EXOC6B: variants seen among roughly 807,000 people sequenced by gnomAD.
EXOC6B encodes SEC15 homolog B.
In EXOC6B, 54 loss-of-function variants were observed where a neutral mutation model predicts 113.5. The observed-to-expected ratio is 0.48, with a 90% CI of 0.38 to 0.60. The LOEUF (loss-of-function observed/expected upper bound fraction) is 0.60. EXOC6B is among the 20% of genes least tolerant of loss of function. The pLI is 0.00. For missense variants in EXOC6B, 797 were observed against 977.5 expected, an observed-to-expected ratio of 0.82 and a Z score of 2.46; for synonymous variants, 357 against 339.0, an observed-to-expected ratio of 1.05 and a Z score of -0.58.
intron 1 of EXOC6B, among the ~76,000 whole-genome samples, chr2:72,755,209 A>G (rs1682336141): frequency 6.6e-6 from 1 of 152,218 alleles, no homozygotes; most frequent in Non-Finnish European, 1.5e-5. Context: ...GCCTAGTATT[A>G]TCCAGAAGTT....
chr2:72,736,397 C>A (rs1680967417), intron 2 of EXOC6B, among the ~76,000 whole-genome samples: 1 of 152,028 alleles, frequency 6.6e-6, no homozygotes, highest in African/African-American at 2.4e-5. Context: ...TAAACTATTT[C>A]TAGAGTTCAG....
intron 8 of EXOC6B, among the ~76,000 whole-genome samples, chr2:72,519,285 T>A (rs991551310): frequency 1.3e-5 from 2 of 152,124 alleles, no homozygotes; most frequent in Non-Finnish European, 2.9e-5. Flanking sequence ...GTGCCACATT[T>A]TTTACATTTT....
chr2:72,450,512 G>C (rs1696849358), intron 18 of EXOC6B, among the ~76,000 whole-genome samples: 1 of 152,096 alleles, frequency 6.6e-6, no homozygotes, highest in Non-Finnish European at 1.5e-5. Flanking sequence ...AATATCAAAA[G>C]AGAGTCAATA....
chr2:72,594,875 GA>G (rs1558827557), intron 6 of EXOC6B, among the ~76,000 whole-genome samples: 1 of 151,930 alleles, frequency 6.6e-6, no homozygotes, highest in African/African-American at 2.4e-5. Flanking sequence ...TATAATTAAA[GA>G]AAAAAAGATA....
chr2:72,417,205 C>G (rs2105245922), intron 18 of EXOC6B, among the ~76,000 whole-genome samples: 1 of 152,258 alleles, frequency 6.6e-6, no homozygotes, highest in African/African-American at 2.4e-5. Context: ...GATACTCTGG[C>G]TTTGTAGCAT....
intron 1 of EXOC6B, among the ~76,000 whole-genome samples, chr2:72,821,996 T>A (rs1686608147): frequency 6.6e-6 from 1 of 152,180 alleles, no homozygotes; most frequent in Non-Finnish European, 1.5e-5. Flanking sequence ...TGGCAATGTA[T>A]TTCAATATTA....
chr2:72,311,088 G>A (rs1185366043), intron 20 of EXOC6B, among the ~76,000 whole-genome samples: 1 of 152,096 alleles, frequency 6.6e-6, no homozygotes, highest in Non-Finnish European at 1.5e-5. Context: ...AACTGACATT[G>A]ACAAGAAGAG....
intron 7 of EXOC6B, among the ~76,000 whole-genome samples, chr2:72,574,083 T>A (rs1704677846): frequency 1.4e-5 from 2 of 141,804 alleles, no homozygotes; most frequent in South Asian, 4.5e-4. Flanking sequence ...ACCACTGCAC[T>A]CCAGCCTGGG....
At chr2:72,626,501 A>G (rs1672059255) in intron 6 of EXOC6B, among the ~76,000 whole-genome samples, 1 of 152,128 alleles carries the variant, frequency 6.6e-6, no homozygotes, top group Non-Finnish European at 1.5e-5. Flanking sequence ...GATGCTATGA[A>G]TTCTCTTATT....
At chr2:72,218,042 C>T (rs1349680476) in intron 20 of EXOC6B, among the ~76,000 whole-genome samples, 2 of 152,152 alleles carry the variant, frequency 1.3e-5, no homozygotes, top group Non-Finnish European at 2.9e-5. Flanking sequence ...TAACTTGTTC[C>T]AGATCACTGA....
intron 20 of EXOC6B, among the ~76,000 whole-genome samples, chr2:72,188,750 T>C (rs1029068421): frequency 6.6e-6 from 1 of 152,244 alleles, no homozygotes; most frequent in Non-Finnish European, 1.5e-5. Context: ...TGACCACTAA[T>C]ATTCCTTTTT....
intron 8 of EXOC6B, among the ~76,000 whole-genome samples, chr2:72,529,079 T>C (rs1191441733): frequency 6.6e-6 from 1 of 152,180 alleles, no homozygotes; most frequent in African/African-American, 2.4e-5. Context: ...CTTCCAGCAC[T>C]ATATTGAATA....
At chr2:72,795,425 A>C (rs1026888445) in intron 1 of EXOC6B, among the ~76,000 whole-genome samples, 1 of 152,008 alleles carries the variant, frequency 6.6e-6, no homozygotes, top group African/African-American at 2.4e-5. Context: ...AATACAAAAA[A>C]ATTAGCCGGG....
chr2:72,606,570 A>C (rs575860592), intron 6 of EXOC6B, among the ~76,000 whole-genome samples: 11 of 152,188 alleles, frequency 7.2e-5, no homozygotes, highest in African/African-American at 2.6e-4. Flanking sequence ...CTCTACAAAT[A>C]AATAAAGTTT....
chr2:72,702,071 C>G (rs929101688), intron 6 of EXOC6B, among the ~76,000 whole-genome samples: 1 of 151,162 alleles, frequency 6.6e-6, no homozygotes, highest in Non-Finnish European at 1.5e-5. Flanking sequence ...ACCCTCCCCC[C>G]TCCCACCACC....
At chr2:72,731,726 T>C (rs1404726162) in intron 3 of EXOC6B, among the ~76,000 whole-genome samples, 1 of 152,212 alleles carries the variant, frequency 6.6e-6, no homozygotes, top group Non-Finnish European at 1.5e-5. Flanking sequence ...AAAGTAATAA[T>C]CTACACATCT....
At chr2:72,654,428 A>G (rs1179806425) in intron 6 of EXOC6B, among the ~76,000 whole-genome samples, 2 of 152,230 alleles carry the variant, frequency 1.3e-5, no homozygotes, top group African/African-American at 4.8e-5. Context: ...TAGCAGGGTT[A>G]GACAAGACAA....
At chr2:72,459,806 A>G (rs1697505070) in intron 18 of EXOC6B, among the ~76,000 whole-genome samples, 1 of 152,164 alleles carries the variant, frequency 6.6e-6, no homozygotes, top group South Asian at 2.1e-4. Context: ...ATTCAATGCC[A>G]TCCCCATCAA....
intron 20 of EXOC6B, among the ~76,000 whole-genome samples, chr2:72,287,157 G>A (rs1228255546): frequency 3.3e-5 from 5 of 151,982 alleles, no homozygotes; most frequent in South Asian, 2.1e-4. Flanking sequence ...TAGGCCGGGC[G>A]CAGTGGTCAA....
Sources: allele counts gnomAD v4.1 joint callset (sites outside exome capture counted in the v4.1 genomes callset), GRCh38; gene constraint gnomAD v4.1.1; transcripts MANE v1.5; gene names NCBI Gene and HGNC (gene_info 2026-07-23, HGNC 2026-07-21).